The following HOXA10 variants were observed in gnomAD, a reference collection of about 807,000 sequenced individuals.
The protein encoded by HOXA10 is homeobox A10.
In HOXA10, 12 loss-of-function variants were observed where a neutral mutation model predicts 29.7. The observed-to-expected ratio is 0.40, with a 90% CI of 0.26 to 0.65. HOXA10 has a LOEUF of 0.65. Ranked by LOEUF, HOXA10 falls within the 30% of genes least tolerant of loss-of-function variation. The pLI is 0.37. For missense variants in HOXA10, 656 were observed against 585.9 expected (o/e 1.12, Z -1.24); for synonymous variants, 327 against 280.7 (o/e 1.16, Z -1.65).
rs1416403217 is a variant in HOXA10, at chr7:27,173,365, C to A, written c.942G>T (p.Pro314=). ...CCTGCTTACCCAGGGAATCCTTCTC[C>A]GGCGAGGCTTTGCTGCTCTCGGAAG... The part of the protein sequence containing the change: ...PAPSESSKAS[P]EKDSLGNSKG... The change falls in exon 1 of 2, where the codon CCG becomes CCT. Residue 314 remains proline (P), a synonymous_variant. Coordinates refer to ENST00000283921, the MANE Select transcript of HOXA10 (RefSeq NM_018951.4). The A allele has an allele frequency of 6.2e-7, 1 of 1,612,086 alleles. No homozygotes were observed. Among genetic ancestry groups the A allele is most frequent in the South Asian group, 1.1e-5 (1 of 91,034 alleles).
rs181948244 is a variant in HOXA10, at chr7:27,172,414, C to G, written c.959-241G>C. On this transcript the variant is annotated intron_variant, in intron 1 of 1. Transcript: ENST00000283921. Reference sequence around the variant, plus strand: ...ACATTTCCCCCACTTTTCCAAACACCTGTTTTAGCGCTAAGCCGTAGATGC... The same window carrying G: ...ACATTTCCCCCACTTTTCCAAACACGTGTTTTAGCGCTAAGCCGTAGATGC... 2.1e-3 allele frequency: 1,226 copies of G among 584,818 alleles called. 24 individuals are homozygous for G. The highest frequency in any genetic ancestry group is 0.018 in the South Asian group (890 of 50,124). 36.2% of individuals were successfully genotyped at this position (584,818 alleles called of 1,614,324 possible). A position where few individuals can be genotyped will look rare whatever the true frequency, so the allele number is the denominator to read the frequency against.
chr7:27,173,713 G>C lies in HOXA10; in HGVS notation c.594C>G (p.Asp198Glu). Reference sequence around the variant, plus strand: ...CGCTGGAGGTGCCCAGGGCGCAGCCGTCGGGCGGCGGGCCCCGCGGGAAGG... The same window carrying C: ...CGCTGGAGGTGCCCAGGGCGCAGCCCTCGGGCGGCGGGCCCCGCGGGAAGG... ...LAPFPRGPPPDGCALGTSSGV... is the reference protein window; with the variant it reads ...LAPFPRGPPPEGCALGTSSGV... The change falls in exon 1 of 2, where the codon GAC becomes GAG. Residue 198 changes from aspartate to glutamate, a missense_variant. Coordinates refer to ENST00000283921, the MANE Select transcript of HOXA10 (RefSeq NM_018951.4). The C allele has an allele frequency of 6.3e-7, 1 of 1,579,182 alleles. No homozygotes were observed. Among genetic ancestry groups the C allele is most frequent in the African/African-American group, 1.3e-5 (1 of 74,090 alleles).
Position 27,174,226 on chromosome 7 carries a change from G to C in HOXA10, c.81C>G (p.Asn27Lys), listed in dbSNP as rs761581039. ...TGATGAGCGAGTCGACCAAAAAAGA[G>C]TTCGCGGCGGGGCTCTCCGAGCATG... ...TMSCSESPAA[N>K]SFLVDSLISS... Residue 27 changes from asparagine to lysine, a missense_variant, in exon 1 of 2, where the codon AAC becomes AAG. Around this residue, in one of 2 missense-constraint regions of HOXA10, gnomAD observed 594 missense variants for 491.9 expected, o/e 1.21. Transcript: ENST00000283921. 9 of 1,601,244 alleles carry C rather than the reference G, an allele frequency of 5.6e-6. No individual in the cohort carries two copies. The East Asian group carries it at 2.0e-4, about 36-fold the overall frequency.
chr7:27,172,177 G>A lies in HOXA10; in HGVS notation c.959-4C>T. The A allele has an allele frequency of 1.2e-6, 2 of 1,613,630 alleles. No homozygotes were observed. Among genetic ancestry groups the A allele is most frequent in the Non-Finnish European group, 1.7e-6 (2 of 1,180,002 alleles). ...GCGTTTTCACCTTTGGAATTGCCTG[G>A]CATGTAAGAGAATAAAGAGGGGATG... On this transcript the variant is annotated splice_region_variant and splice_polypyrimidine_tract_variant and intron_variant, in intron 1 of 1. Coordinates refer to ENST00000283921, the MANE Select transcript of HOXA10 (RefSeq NM_018951.4).
upstream of HOXA10, among the ~76,000 whole-genome samples, chr7:27,175,785 G>A (rs1310313388): frequency 2.6e-5 from 4 of 152,190 alleles, no homozygotes; most frequent in Non-Finnish European, 5.9e-5. Flanking sequence ...ACTGAACGCC[G>A]GCATCCCAGG....
chr7:27,170,898 T>A lies in HOXA10; in HGVS notation c.*1001A>T, dbSNP rs747352583. ...GGAAATCCAAACAATGTCTCCCTTC[T>A]CTAGTTTATTCCGCTTACCCCAGTC... On this transcript the variant is annotated 3_prime_UTR_variant, in exon 2 of 2. Coordinates refer to ENST00000283921, the MANE Select transcript of HOXA10 (RefSeq NM_018951.4). The A allele has an allele frequency of 2.4e-5, 11 of 454,368 alleles. No individual in the cohort carries two copies. The highest frequency in any genetic ancestry group is 4.0e-5 in the African/African-American group (2 of 49,976). The allele number at this position is 454,368 out of a possible 1,614,324, so 28.1% of individuals were successfully genotyped here. A position where few individuals can be genotyped will look rare whatever the true frequency, so the allele number is the denominator to read the frequency against.
rs1315077680 is a variant in HOXA10, at chr7:27,171,305, C to A, written c.*594G>T. On this transcript the variant is annotated 3_prime_UTR_variant, in exon 2 of 2. Coordinates refer to ENST00000283921, the MANE Select transcript of HOXA10 (RefSeq NM_018951.4). ...TTACTTTCTTTCTCACTTTTTAAAT[C>A]AGCCAAAGTCAAGCCCGTTTGCCAA... 8.8e-6 allele frequency: 4 copies of A among 454,200 alleles called. No homozygotes were observed. In the Admixed American group the frequency reaches 9.4e-5, roughly 11 times the overall value. 28.1% of individuals were successfully genotyped at this position (454,200 alleles called of 1,614,324 possible). A position where few individuals can be genotyped will look rare whatever the true frequency, so the allele number is the denominator to read the frequency against.
At position 27,173,935 on chromosome 7, in the gene HOXA10, A is replaced by G; in HGVS notation, c.372T>C (p.Ser124=). 2.0e-6 allele frequency: 3 copies of G among 1,524,628 alleles called. No individual in the cohort carries two copies. The highest frequency in any genetic ancestry group is 2.5e-5 in the East Asian group (1 of 39,360). The allele number at this position is 1,524,628 out of a possible 1,614,324, so 94.4% of individuals were successfully genotyped here. ...PIDLWLDAPR[S]CRMEPPDGPP... ...GCCCGTCAGGCGGCTCCATCCGGCAAGACCGGGGCGCGTCTAGCCACAGGT... is the reference window on the plus strand; with the variant it reads ...GCCCGTCAGGCGGCTCCATCCGGCAGGACCGGGGCGCGTCTAGCCACAGGT... The change falls in exon 1 of 2, where the codon TCT becomes TCC. Residue 124 remains serine (S), a synonymous_variant. Transcript: ENST00000283921.
At chr7:27,172,247 C>T (rs1420884730) in intron 1 of HOXA10, 74 bp from the exon 2 acceptor site, 6 of 1,437,916 alleles carry the variant, frequency 4.2e-6, no homozygotes, top group Non-Finnish European at 5.9e-6. Flanking sequence ...TGAATTGCCT[C>T]CGTTTCTCCC....
upstream of HOXA10, chr7:27,175,273 G>A (rs1783632815): frequency 2.0e-5 from 3 of 152,346 alleles, no homozygotes. Flanking sequence ...GAGACTTGGA[G>A]GGGTGTGCCC....
chr7:27,172,474 C>T (rs1457230434), intron 1 of HOXA10: 4 of 472,396 alleles, frequency 8.5e-6, no homozygotes, highest in Non-Finnish European at 1.5e-5. Flanking sequence ...GCAGGCTGTA[C>T]ATCTTGAACT....
chr7:27,172,603 G>T (rs1270177078), intron 1 of HOXA10: 5 of 241,506 alleles, frequency 2.1e-5, no homozygotes, highest in Non-Finnish European at 4.1e-5. Context: ...CTCACCCCAG[G>T]GCCCTGATTG....
chr7:27,171,221 T>C lies in HOXA10; in HGVS notation c.*678A>G, dbSNP rs1156791093. 2.2e-6 allele frequency: 1 copy of C among 454,036 alleles called. No individual in the cohort carries two copies. Among genetic ancestry groups the C allele is most frequent in the Non-Finnish European group, 4.4e-6 (1 of 226,760 alleles). 28.1% of individuals were successfully genotyped at this position (454,036 alleles called of 1,614,324 possible). On this transcript the variant is annotated 3_prime_UTR_variant, in exon 2 of 2. Coordinates refer to ENST00000283921, the MANE Select transcript of HOXA10 (RefSeq NM_018951.4). ...AGAGAAGTCCCCTTCTCTTGGTAATTCTTTTTTTTTCTTTTTAAAGCTGGG... is the reference window on the plus strand; with the variant it reads ...AGAGAAGTCCCCTTCTCTTGGTAATCCTTTTTTTTTCTTTTTAAAGCTGGG...
intron 1 of HOXA10, 119 bp downstream of exon 1, chr7:27,173,230 G>A: frequency 6.7e-7 from 1 of 1,489,900 alleles, no homozygotes; most frequent in Non-Finnish European, 9.1e-7. Flanking sequence ...AGGTCAGCCT[G>A]CCTGCAGCTT....
intron 1 of HOXA10, chr7:27,173,072 G>A: frequency 3.8e-6 from 2 of 526,562 alleles, no homozygotes; most frequent in South Asian, 2.2e-5. Flanking sequence ...ACAGGAAAGA[G>A]CGCACAGGAG....
chr7:27,175,763 G>A (rs1783643685), upstream of HOXA10, among the ~76,000 whole-genome samples: 1 of 152,220 alleles, frequency 6.6e-6, no homozygotes. Flanking sequence ...GGCCCCAGTC[G>A]GAGCTGGCAT....
exon 1 of HOXA10, chr7:27,179,809 AT>A (rs1331819828): frequency 1.4e-6 from 1 of 701,868 alleles, no homozygotes; most frequent in Non-Finnish European, 2.6e-6. Context: ...AAGTGAAATA[AT>A]GTACCGTGCT....
At chr7:27,178,805 GA>G (rs1783700301), upstream of HOXA10, among the ~76,000 whole-genome samples, 1 of 152,132 alleles carries the variant, frequency 6.6e-6, no homozygotes, top group Non-Finnish European at 1.5e-5. Flanking sequence ...AAAAATAGTA[GA>G]AAAAATTAAA....
In HOXA10 at chr7:27,173,317, G is replaced by A. The variant is rs777673039; in HGVS notation, c.958+32C>T. 6 of 1,610,172 alleles carry A rather than the reference G, an allele frequency of 3.7e-6. No homozygotes were observed. The Admixed American group carries it at 1.0e-4, about 27-fold the overall frequency. On this transcript the variant is annotated intron_variant, in intron 1 of 1. Coordinates refer to ENST00000283921, the MANE Select transcript of HOXA10 (RefSeq NM_018951.4). ...CCTCCTTGTGTCTGCCTGTCTGCCC[G>A]CCTGACTGCAGCCCTCTGCAGCCCT...
Sources: gnomAD v4.1 joint callset for allele counts (sites outside exome capture counted in the v4.1 genomes callset) on GRCh38, gnomAD v4.1.1 for gene constraint, gnomAD v4.1.1 regional missense constraint, MANE v1.5 for transcripts, NCBI Gene and HGNC (gene_info 2026-07-23, HGNC 2026-07-21) for gene names.